ATXN2L: variants seen among roughly 807,000 people sequenced by gnomAD.
ATXN2L encodes ataxin-2-like protein.
In ATXN2L, 24 loss-of-function variants were observed where a neutral mutation model predicts 120.7. The observed-to-expected ratio is 0.20, with a 90% CI of 0.14 to 0.28. The LOEUF is 0.28. Among genes scored for constraint, ATXN2L ranks in the 10% least tolerant of loss-of-function variants. The pLI is 1.00. For missense variants in ATXN2L, 1,312 were observed against 1,432.3 expected (o/e 0.92, Z 1.36); for synonymous variants, 653 against 568.1 (o/e 1.15, Z -2.13).
rs1210437810 is a variant in ATXN2L, at chr16:28,836,718, C to T, written c.*453C>T. Reference sequence around the variant, plus strand: ...ATGCTCCTGCTCTCTTCTCTTTCCCCTCCAACCAGTTCAATCTCATCCCTC... The same window carrying T: ...ATGCTCCTGCTCTCTTCTCTTTCCCTTCCAACCAGTTCAATCTCATCCCTC... On this transcript the variant is annotated 3_prime_UTR_variant, in exon 22 of 22. Transcript: ENST00000336783. 3.7e-6 allele frequency: 6 copies of T among 1,613,900 alleles called. No homozygotes were observed. Among genetic ancestry groups the T allele is most frequent in the Admixed American group, 1.7e-5 (1 of 59,984 alleles).
At chr16:28,824,547 G>A in intron 1 of ATXN2L, 1 of 1,286,954 alleles carries the variant, frequency 7.8e-7, no homozygotes, top group Non-Finnish European at 1.0e-6. Context: ...CGCAGAGTGG[G>A]TAACGGGCTG....
In ATXN2L at chr16:28,834,332, C is replaced by A. The variant is rs753431436; in HGVS notation, c.2173-11C>A. On this transcript the variant is annotated splice_polypyrimidine_tract_variant and intron_variant, in intron 16 of 21. Coordinates refer to ENST00000336783, the MANE Select transcript of ATXN2L (RefSeq NM_007245.4). The stretch of plus-strand genomic sequence containing the variant: ...CGAGTCATTCAGCCTCATCTGTGTC[C>A]TCATCCCCAGGCACCTCAGATGTAT... 2.5e-6 allele frequency: 4 copies of A among 1,613,700 alleles called. No homozygotes were observed. The South Asian group carries it at 3.3e-5, about 13-fold the overall frequency.
intron 7 of ATXN2L, 162 bp from the exon 8 acceptor site, chr16:28,829,696 G>T: frequency 1.3e-6 from 1 of 797,494 alleles, no homozygotes; most frequent in Non-Finnish European, 2.0e-6. Flanking sequence ...GATAAGCCTT[G>T]GTGCTCTACC....
Position 28,832,878 on chromosome 16 carries a change from C to A in ATXN2L, c.1650C>A (p.Ala550=), listed in dbSNP as rs778525944. ...FQLEELRKFG[A]QFKLQPSSSP... ...TGGAAGAACTGAGAAAGTTTGGGGC[C>A]CAGTTTAAGGTGAGAGAAGAGTGAG... Residue 550 remains alanine, a synonymous_variant, in exon 13 of 22, where the codon GCC becomes GCA. Coordinates refer to ENST00000336783, the MANE Select transcript of ATXN2L (RefSeq NM_007245.4). 4 of 1,614,038 alleles carry A rather than the reference C, an allele frequency of 2.5e-6. No homozygotes were observed. In the East Asian group the frequency reaches 8.9e-5, roughly 36 times the overall value.
In ATXN2L at chr16:28,836,283, G is replaced by A. The variant is rs949251208; in HGVS notation, c.*18G>A. 6.2e-7 allele frequency: 1 copy of A among 1,610,046 alleles called. No homozygotes were observed. Among genetic ancestry groups the A allele is most frequent in the African/African-American group, 1.3e-5 (1 of 74,832 alleles). On this transcript the variant is annotated 3_prime_UTR_variant, in exon 22 of 22. Coordinates refer to ENST00000336783, the MANE Select transcript of ATXN2L (RefSeq NM_007245.4). ...GGGAGTGAGGGGTCTTGGAGGCAGG[G>A]CTGTCCCACAGGGCGCCCGCCGACC...
At chr16:28,823,960 C>T (rs1455703786) in intron 1 of ATXN2L, 1 of 337,382 alleles carries the variant, frequency 3.0e-6, no homozygotes, top group South Asian at 1.0e-4. Context: ...GGTCCCCGGC[C>T]GTAGCCAATG....
intron 10 of ATXN2L, among the ~76,000 whole-genome samples, chr16:28,831,625 G>T (rs1201355053): frequency 2.0e-5 from 3 of 152,186 alleles, no homozygotes; most frequent in Non-Finnish European, 4.4e-5. Flanking sequence ...ACCACACCCT[G>T]CCAGTTGCTA....
intron 6 of ATXN2L, among the ~76,000 whole-genome samples, chr16:28,827,965 T>C (rs962280148): frequency 6.6e-6 from 1 of 152,248 alleles, no homozygotes; most frequent in Non-Finnish European, 1.5e-5. Flanking sequence ...ATGTTTAGTT[T>C]GTACAAGAAT....
At position 28,823,202 on chromosome 16, in the gene ATXN2L, AGCCCCG is replaced by A. The variant is rs2050229863; in HGVS notation, c.-52_-47del. 2 of 882,340 alleles carry A rather than the reference AGCCCCG, an allele frequency of 2.3e-6. No individual in the cohort carries two copies. Among genetic ancestry groups the A allele is most frequent in the Non-Finnish European group, 2.8e-6 (2 of 710,478 alleles). 54.7% of individuals were successfully genotyped at this position (882,340 alleles called of 1,614,324 possible). ...TTCCCGCGCTCTCCAGCGGGGCCCC[AGCCCCG>A]GCCCCCTCTCTCCCTCCCTTCTCTC... On this transcript the variant is annotated 5_prime_UTR_variant, in exon 1 of 22. Coordinates refer to ENST00000336783, the MANE Select transcript of ATXN2L (RefSeq NM_007245.4).
chr16:28,831,448 C>T (rs921369932), intron 10 of ATXN2L, among the ~76,000 whole-genome samples: 1 of 152,144 alleles, frequency 6.6e-6, no homozygotes, highest in African/African-American at 2.4e-5. Context: ...CTGTCTCAGC[C>T]TCCCAAGTAG....
At chr16:28,826,192 A>G in intron 4 of ATXN2L, 48 bp from the exon 5 acceptor site, 2 of 1,601,040 alleles carry the variant, frequency 1.2e-6, no homozygotes, top group South Asian at 1.1e-5. Context: ...TTTTGCCTTC[A>G]CTTTTCTTGA....
Position 28,836,649 on chromosome 16 carries a change from C to A in ATXN2L, c.*384C>A. ...TCCTTCCCAGACACACCCCCACGCC[C>A]CCACTGGACGGCATTGGAGGAAGGG... On this transcript the variant is annotated 3_prime_UTR_variant, in exon 22 of 22. Coordinates refer to ENST00000336783, the MANE Select transcript of ATXN2L (RefSeq NM_007245.4). 1 of 1,612,134 alleles carries A rather than the reference C, an allele frequency of 6.2e-7. No individual in the cohort carries two copies. Among genetic ancestry groups the A allele is most frequent in the Non-Finnish European group, 8.5e-7 (1 of 1,179,618 alleles).
intron 4 of ATXN2L, 59 bp downstream of exon 4, chr16:28,825,900 G>C: frequency 4.7e-6 from 7 of 1,476,746 alleles, no homozygotes; most frequent in Non-Finnish European, 6.6e-6. Flanking sequence ...GAATGAAATA[G>C]GCTCATTGAA....
chr16:28,835,909 C>T lies in ATXN2L; in HGVS notation c.2896-24C>T, dbSNP rs770618587. 44 of 1,549,502 alleles carry T rather than the reference C, an allele frequency of 2.8e-5. 1 individual carries two copies. The highest frequency in any genetic ancestry group is 9.9e-5 in the South Asian group (8 of 81,166). The stretch of plus-strand genomic sequence containing the variant: ...CTGTTTCAGGATTCTGTGGTCTTCC[C>T]GGCTACTTTTTTGTTTTCCACAGGC... On this transcript the variant is annotated intron_variant, in intron 21 of 21. Coordinates refer to ENST00000336783, the MANE Select transcript of ATXN2L (RefSeq NM_007245.4).
Position 28,837,208 on chromosome 16 carries a change from T to TA in ATXN2L, c.*951dup, listed in dbSNP as rs369038578. ...TTACATAAAAATATTAAAAAATAAA[T>TA]AAAAAAAATAAAATTTTAAACTAAC... On this transcript the variant is annotated 3_prime_UTR_variant, in exon 22 of 22. Coordinates refer to ENST00000336783, the MANE Select transcript of ATXN2L (RefSeq NM_007245.4). 14 of 168,396 alleles carry TA rather than the reference T, an allele frequency of 8.3e-5. No individual in the cohort carries two copies. Among genetic ancestry groups the TA allele is most frequent in the Non-Finnish European group, 1.0e-4 (8 of 80,232 alleles). The allele number at this position is 168,396 out of a possible 1,614,324, so 10.4% of individuals were successfully genotyped here. A position where few individuals can be genotyped will look rare whatever the true frequency, so the allele number is the denominator to read the frequency against.
Position 28,832,605 on chromosome 16 carries a change from CT to C in ATXN2L, c.1588+41del, listed in dbSNP as rs747130022. The C allele has an allele frequency of 3.8e-6, 6 of 1,595,034 alleles. No homozygotes were observed. The Admixed American group carries it at 1.0e-4, about 27-fold the overall frequency. On this transcript the variant is annotated intron_variant, in intron 12 of 21. Coordinates refer to ENST00000336783, the MANE Select transcript of ATXN2L (RefSeq NM_007245.4). ...TTTTTTCTGCTGAGGATTAATGCTC[CT>C]TTGTCTGGGGGAGAGTATTTCAGTT...
chr16:28,826,994 C>A lies in ATXN2L; in HGVS notation c.741+8C>A. 6.8e-7 allele frequency: 1 copy of A among 1,466,882 alleles called. No homozygotes were observed. Among genetic ancestry groups the A allele is most frequent in the South Asian group, 1.5e-5 (1 of 67,746 alleles). 90.9% of individuals were successfully genotyped at this position (1,466,882 alleles called of 1,614,324 possible). ...GACCTCGAGTCTGACATGGTATAGC[C>A]TCCTTCCCTGAGAACTTGGGAGCTG... On this transcript the variant is annotated splice_region_variant and intron_variant, in intron 6 of 21. Transcript: ENST00000336783.
At chr16:28,825,975 C>G (rs1351658506) in intron 4 of ATXN2L, 134 bp downstream of exon 4, 1 of 955,256 alleles carries the variant, frequency 1.0e-6, no homozygotes, top group East Asian at 2.6e-5. Flanking sequence ...CTGAATAGTG[C>G]TGCAGGGAAA....
At chr16:28,835,877 T>G in intron 21 of ATXN2L, 56 bp from the exon 22 acceptor site, 1 of 1,567,026 alleles carries the variant, frequency 6.4e-7, no homozygotes, top group South Asian at 1.2e-5. Context: ...ACTCTGGCTC[T>G]CAGAGTCTGT....
Sources: gnomAD v4.1 joint callset for allele counts (sites outside exome capture counted in the v4.1 genomes callset) on GRCh38, gnomAD v4.1.1 for gene constraint, MANE v1.5 for transcripts, NCBI Gene and HGNC (gene_info 2026-07-23, HGNC 2026-07-21) for gene names.